BCKDHA: variants seen among roughly 807,000 people sequenced by gnomAD.
BCKDHA encodes branched chain keto acid dehydrogenase E1 subunit alpha, also known as 2-oxoisovalerate dehydrogenase subunit alpha, mitochondrial.
A neutral mutation model predicts 52.2 loss-of-function variants in BCKDHA; 43 were observed. The observed-to-expected ratio is 0.82, with a 90% CI of 0.64 to 1.06. The LOEUF is 1.06. BCKDHA is among the 50% of genes least tolerant of loss of function. The pLI is 0.00. For synonymous variants in BCKDHA, 234 were observed against 247.9 expected (o/e 0.94, Z 0.53); for missense variants, 527 against 621.3 (o/e 0.85, Z 1.61).
intron 4 of BCKDHA, 75 bp downstream of exon 4, chr19:41,414,232 G>A (rs2039286335): frequency 2.9e-6 from 4 of 1,380,276 alleles, no homozygotes; most frequent in East Asian, 2.4e-5. Flanking sequence ...GTTCTTCCAG[G>A]AGCAGCATAG....
rs374008201 is a variant in BCKDHA, at chr19:41,413,886, C to T, written c.376-163C>T. On this transcript the variant is annotated intron_variant, in intron 3 of 8. Transcript: ENST00000269980. Reference sequence around the variant, plus strand: ...CTGGCAGTTCTAAGCAGTCTGGCAGCGTCTTCTTAAAGGCAGGAACCCCAG... The same window carrying T: ...CTGGCAGTTCTAAGCAGTCTGGCAGTGTCTTCTTAAAGGCAGGAACCCCAG... 2.6e-3 allele frequency among the ~76,000 whole-genome samples: 398 copies of T among 152,316 alleles called. 6 individuals are homozygous for T. Among genetic ancestry groups the T allele is most frequent in the African/African-American group, 9.1e-3 (377 of 41,574 alleles).
intron 2 of BCKDHA, 31 bp from the exon 3 acceptor site, chr19:41,410,892 G>A (rs760001681): frequency 3.1e-6 from 5 of 1,613,870 alleles, no homozygotes; most frequent in Non-Finnish European, 3.4e-6. Flanking sequence ...GGTCCCAACT[G>A]CCCCACGTCT....
At chr19:41,410,495 C>A in intron 1 of BCKDHA, 142 bp from the exon 2 acceptor site, 1 of 869,578 alleles carries the variant, frequency 1.1e-6, no homozygotes. Context: ...GGAGTTGGGG[C>A]TCAGACCCTG....
chr19:41,414,071 C>T lies in BCKDHA; in HGVS notation c.398C>T (p.Thr133Ile). Residue 133 changes from threonine to isoleucine, a missense_variant, in exon 4 of 9, where the codon ACC (threonine) becomes ATC (isoleucine). By Grantham distance (89) the Thr-to-Ile change is moderately conservative (BLOSUM62 -1). Coordinates refer to ENST00000269980, the MANE Select transcript of BCKDHA (RefSeq NM_000709.4). ...QRQGRISFYMTNYGEEGTHVG... is the reference protein window; with the variant it reads ...QRQGRISFYMINYGEEGTHVG... Reference sequence around the variant, plus strand: ...CAGGGCCGGATCTCCTTCTACATGACCAACTATGGTGAGGAGGGCACGCAC... The same window carrying T: ...CAGGGCCGGATCTCCTTCTACATGATCAACTATGGTGAGGAGGGCACGCAC... 5 of 1,613,784 alleles carry T rather than the reference C, an allele frequency of 3.1e-6. No homozygotes were observed. The highest frequency in any genetic ancestry group is 4.2e-6 in the Non-Finnish European group (5 of 1,180,030).
Position 41,410,919 on chromosome 19 carries a change from G to T in BCKDHA, c.289-4G>T. On this transcript the variant is annotated splice_polypyrimidine_tract_variant and splice_region_variant and intron_variant, in intron 2 of 8. Coordinates refer to ENST00000269980, the MANE Select transcript of BCKDHA (RefSeq NM_000709.4). ...CCCACGTCTATCTGTGCCTCCACCC[G>T]CAGCTGCCGAAGGAGAAGGTGCTGA... is the stretch of plus-strand genomic sequence containing the variant. The T allele has an allele frequency of 6.2e-7, 1 of 1,614,048 alleles. No homozygotes were observed.
rs530972813 is a variant in BCKDHA, at chr19:41,412,380, C to CTTTTTTT, written c.375+1383_375+1389dup. On this transcript the variant is annotated intron_variant, in intron 3 of 8. Transcript: ENST00000269980. ...TCATTCCCTCTGTCTGTAGATATTTCTTTTTTTTTTTTTTTTTTACTTTTG... is the reference window on the plus strand; with the variant it reads ...TCATTCCCTCTGTCTGTAGATATTTCTTTTTTTTTTTTTTTTTTTTTTTTTACTTTTG... 6.1e-4 allele frequency among the ~76,000 whole-genome samples: 40 copies of CTTTTTTT among 65,832 alleles called. 2 individuals carry two copies. Among genetic ancestry groups the CTTTTTTT allele is most frequent in the African/African-American group, 1.1e-3 (20 of 17,634 alleles). The allele number at this position is 65,832 out of a possible 152,430, so 43.2% of individuals were successfully genotyped here. A position where few individuals can be genotyped will look rare whatever the true frequency, so the allele number is the denominator to read the frequency against.
At chr19:41,422,095 T>C in intron 5 of BCKDHA, 69 bp from the exon 6 acceptor site, 6 of 1,473,700 alleles carry the variant, frequency 4.1e-6, no homozygotes, top group East Asian at 2.4e-5. Context: ...CCGTGGGTCA[T>C]GTGAGTGTGA....
At chr19:41,423,420 C>T (rs2039391933) in intron 8 of BCKDHA, among the ~76,000 whole-genome samples, 1 of 152,208 alleles carries the variant, frequency 6.6e-6, no homozygotes, top group South Asian at 2.1e-4. Context: ...TGAGACTGGG[C>T]ATGGTGGCTC....
chr19:41,398,361 G>T (rs1298542606), intron 1 of BCKDHA, among the ~76,000 whole-genome samples: 1 of 152,166 alleles, frequency 6.6e-6, no homozygotes, highest in African/African-American at 2.4e-5. Context: ...AGAAAGAAGA[G>T]AACAGGTCCC....
At chr19:41,406,781 G>T (rs985725147) in intron 1 of BCKDHA, among the ~76,000 whole-genome samples, 5 of 152,112 alleles carry the variant, frequency 3.3e-5, no homozygotes, top group African/African-American at 9.7e-5. Flanking sequence ...TGTTGGCCAG[G>T]CTGGTCTTGA....
chr19:41,407,950 ATTTTT>A (rs144717663), intron 1 of BCKDHA, among the ~76,000 whole-genome samples: 1,366 of 124,450 alleles, frequency 0.011, 14 homozygotes, highest in African/African-American at 0.029. Flanking sequence ...TTCTGATGTA[ATTTTT>A]TTTTTTTTTT....
In BCKDHA at chr19:41,422,532, A is replaced by T. The variant is rs543803090; in HGVS notation, c.854-97A>T. 3.3e-5 allele frequency: 53 copies of T among 1,592,672 alleles called. No individual in the cohort carries two copies. In the South Asian group the frequency reaches 5.8e-4, roughly 17 times the overall value. The stretch of plus-strand genomic sequence containing the variant: ...ACAGGAGTTGAGGTCCTGAGCACTC[A>T]GCCTTGCTCTCTGTCCTCTCCCTGC... On this transcript the variant is annotated intron_variant, in intron 6 of 8. Coordinates refer to ENST00000269980, the MANE Select transcript of BCKDHA (RefSeq NM_000709.4).
At chr19:41,405,614 G>A (rs1376967977) in intron 1 of BCKDHA, among the ~76,000 whole-genome samples, 3 of 151,994 alleles carry the variant, frequency 2.0e-5, no homozygotes, top group African/African-American at 7.2e-5. Flanking sequence ...TTGTAGAGAC[G>A]AGGTCTCACT....
chr19:41,414,234 G>A lies in BCKDHA; in HGVS notation c.484+77G>A. 3.7e-6 allele frequency: 5 copies of A among 1,358,308 alleles called. No individual in the cohort carries two copies. The East Asian group carries it at 9.5e-5, about 26-fold the overall frequency. 84.1% of individuals were successfully genotyped at this position (1,358,308 alleles called of 1,614,324 possible). A position where few individuals can be genotyped will look rare whatever the true frequency, so the allele number is the denominator to read the frequency against. On this transcript the variant is annotated intron_variant, in intron 4 of 8. Transcript: ENST00000269980. Reference sequence around the variant, plus strand: ...AGTTTTTCTGAGTGTTCTTCCAGGAGCAGCATAGTGCCAGGAAGGTCTAAG... The same window carrying A: ...AGTTTTTCTGAGTGTTCTTCCAGGAACAGCATAGTGCCAGGAAGGTCTAAG...
intron 4 of BCKDHA, among the ~76,000 whole-genome samples, chr19:41,417,919 TC>T (rs1346667390): frequency 7.0e-6 from 1 of 142,164 alleles, no homozygotes; most frequent in Admixed American, 7.1e-5. Flanking sequence ...AAACTCCGTC[TC>T]AAAAAAAAAA....
At chr19:41,408,259 C>T (rs189355360) in intron 1 of BCKDHA, among the ~76,000 whole-genome samples, 39 of 60,624 alleles carry the variant, frequency 6.4e-4, no homozygotes, top group African/African-American at 2.8e-3. Flanking sequence ...CCAGCATCCC[C>T]ACCTTTTTTT....
intron 1 of BCKDHA, among the ~76,000 whole-genome samples, chr19:41,401,483 G>A (rs1355368300): frequency 6.6e-6 from 1 of 152,142 alleles, no homozygotes; most frequent in African/African-American, 2.4e-5. Flanking sequence ...GGGAAGATTG[G>A]ATTAGAAGGA....
At chr19:41,416,567 T>C (rs2039310084) in intron 4 of BCKDHA, among the ~76,000 whole-genome samples, 1 of 152,116 alleles carries the variant, frequency 6.6e-6, no homozygotes, top group Non-Finnish European at 1.5e-5. Context: ...CCCAGGGCTA[T>C]ATGTGGAGTA....
At chr19:41,417,195 T>C (rs1599957190) in intron 4 of BCKDHA, among the ~76,000 whole-genome samples, 1 of 151,980 alleles carries the variant, frequency 6.6e-6, no homozygotes, top group African/African-American at 2.4e-5. Context: ...TTTTGATTTT[T>C]GGTAGAGACG....
Sources: allele counts gnomAD v4.1 joint callset (sites outside exome capture counted in the v4.1 genomes callset), GRCh38; gene constraint gnomAD v4.1.1; transcripts MANE v1.5; gene names NCBI Gene and HGNC (gene_info 2026-07-23, HGNC 2026-07-21).